Variants in DIP2C observed in about 807,000 individuals in gnomAD.
DIP2C encodes disco-interacting protein 2 homolog C.
DIP2C carries 33 observed loss-of-function variants against 192.4 expected under a neutral mutation model. The ratio of observed to expected loss-of-function variants is 0.17; its 90% confidence interval spans 0.13 to 0.23. DIP2C has a LOEUF of 0.23. Ranked by LOEUF, DIP2C falls within the 10% of genes least tolerant of loss-of-function variation. The probability of loss-of-function intolerance (pLI) is 1.00; values close to 1 mark genes in which losing one functional copy is unlikely to be tolerated. For missense variants in DIP2C, 1,537 were observed against 2,110.1 expected (o/e 0.73, Z 5.32); for synonymous variants, 979 against 864.1 (o/e 1.13, Z -2.33).
Position 422,879 on chromosome 10 carries a change from G to A in DIP2C, c.549C>T (p.Ser183=), listed in dbSNP as rs77312010. The change falls in exon 5 of 37, where the codon AGC becomes AGT. Residue 183 remains serine, a synonymous_variant. Transcript: ENST00000280886. ...TSTTSSSSTQ[S]GGSGAAHRLA... is the part of the protein sequence containing the mutation. ...GCCTGTGGGCAGCCCCGCTGCCCCC[G>A]CTCTGCGTAGAGGACGAGGAGGTGG... The A allele has an allele frequency of 3.2e-5, 51 of 1,613,568 alleles. 1 individual carries two copies. Among genetic ancestry groups the A allele is most frequent in the African/African-American group, 1.1e-4 (8 of 75,048 alleles).
intron 7 of DIP2C, 76 bp downstream of exon 7, chr10:415,693 C>G (rs1291803478): frequency 6.4e-7 from 1 of 1,571,196 alleles, no homozygotes; most frequent in African/African-American, 1.4e-5. Context: ...GTAAAATAGC[C>G]TTGCAGAAAA....
chr10:487,865 C>G (rs564556879), intron 1 of DIP2C, among the ~76,000 whole-genome samples: 1 of 152,126 alleles, frequency 6.6e-6, no homozygotes, highest in South Asian at 2.1e-4. Flanking sequence ...CGTGAGCCAC[C>G]GTGCCCAGCC....
intron 1 of DIP2C, among the ~76,000 whole-genome samples, chr10:685,759 C>T (rs1262401535): frequency 6.6e-6 from 1 of 152,030 alleles, no homozygotes; most frequent in African/African-American, 2.4e-5. Context: ...GTAAAGAGTT[C>T]GAGACCAGCC....
intron 4 of DIP2C, among the ~76,000 whole-genome samples, chr10:427,824 T>C (rs778538695): frequency 6.6e-5 from 10 of 152,214 alleles, no homozygotes; most frequent in Non-Finnish European, 1.2e-4. Flanking sequence ...GTATGTAAAA[T>C]GGTACAGCTA....
intron 29 of DIP2C, chr10:340,632 C>CA (rs544379223): frequency 2.0e-5 from 8 of 396,222 alleles, no homozygotes; most frequent in African/African-American, 1.2e-4. Context: ...TATAATCAGA[C>CA]AAAAAAGCCA....
intron 1 of DIP2C, among the ~76,000 whole-genome samples, chr10:590,471 T>C (rs77646474): frequency 0.042 from 6,348 of 152,300 alleles, 170 homozygotes; most frequent in East Asian, 0.082. Flanking sequence ...CGAACCTCAG[T>C]GAGGAACTTG....
At chr10:507,780 C>T (rs1001178950) in intron 1 of DIP2C, among the ~76,000 whole-genome samples, 1 of 152,298 alleles carries the variant, frequency 6.6e-6, no homozygotes, top group South Asian at 2.1e-4. Context: ...GTGCCCATGT[C>T]CCACCCCATC....
At chr10:376,880 A>G (rs1271598098) in intron 17 of DIP2C, among the ~76,000 whole-genome samples, 1 of 152,240 alleles carries the variant, frequency 6.6e-6, no homozygotes, top group Admixed American at 6.5e-5. Context: ...TCAGTGAAAA[A>G]TGTGCATGTA....
intron 8 of DIP2C, among the ~76,000 whole-genome samples, chr10:410,795 T>C (rs928665881): frequency 6.6e-6 from 1 of 152,222 alleles, no homozygotes. Flanking sequence ...ATAAAACACA[T>C]GCAAACTTTT....
chr10:673,163 G>A (rs1588743741), intron 1 of DIP2C, among the ~76,000 whole-genome samples: 2 of 152,024 alleles, frequency 1.3e-5, no homozygotes, highest in Admixed American at 1.3e-4. Flanking sequence ...AGCTCCTGCC[G>A]CCCACCCCAG....
At chr10:309,033 C>T (rs1589441864) in intron 32 of DIP2C, among the ~76,000 whole-genome samples, 1 of 152,174 alleles carries the variant, frequency 6.6e-6, no homozygotes, top group South Asian at 2.1e-4. Flanking sequence ...GGTCACGGAG[C>T]GGCTGCTGAC....
Position 575,152 on chromosome 10 carries a change from C to T in DIP2C, c.86-88622G>A, listed in dbSNP as rs371377926. ...TCAACTTTACCTTCGCCAAAAACAG[C>T]GGAAAAGCAAAACTACTCCAGGGCA... On this transcript the variant is annotated intron_variant, in intron 1 of 36. Transcript: ENST00000280886. Among the ~76,000 whole-genome samples the T allele has an allele frequency of 6.6e-5, 10 of 152,222 alleles. No homozygotes were observed. In the East Asian group the frequency reaches 1.5e-3, roughly 23 times the overall value.
chr10:501,370 A>G (rs1845214753), intron 1 of DIP2C, among the ~76,000 whole-genome samples: 1 of 152,224 alleles, frequency 6.6e-6, no homozygotes, highest in Non-Finnish European at 1.5e-5. Flanking sequence ...GCAGTCCTAT[A>G]CTCATTGATA....
At chr10:581,701 G>A (rs910656534) in intron 1 of DIP2C, among the ~76,000 whole-genome samples, 8 of 152,150 alleles carry the variant, frequency 5.3e-5, no homozygotes, top group African/African-American at 1.4e-4. Flanking sequence ...GCAGTGAGCC[G>A]GGGCTGGCTG....
rs113010603 is a variant in DIP2C at position 579,764 on chromosome 10, C to T, written c.86-93234G>A. 1.6e-4 allele frequency among the ~76,000 whole-genome samples: 25 copies of T among 152,056 alleles called. No individual in the cohort carries two copies. In the South Asian group the frequency reaches 2.3e-3, roughly 14 times the overall value. On this transcript the variant is annotated intron_variant, in intron 1 of 36. Transcript: ENST00000280886. ...AGGTACACTATAATGTATGTACATG[C>T]AGAGCATACACATCCATATCCATAT...
chr10:595,566 C>T (rs1017515017), intron 1 of DIP2C, among the ~76,000 whole-genome samples: 2 of 152,110 alleles, frequency 1.3e-5, no homozygotes, highest in African/African-American at 4.8e-5. Flanking sequence ...AATGATTTTG[C>T]ATCTACCTTG....
chr10:667,798 CAACAT>C (rs1328202056), intron 1 of DIP2C: 1 of 152,076 alleles, frequency 6.6e-6, no homozygotes, highest in African/African-American at 2.4e-5. Flanking sequence ...TCATACAAAA[CAACAT>C]ACACAACTCA....
chr10:450,783 C>CATG (rs1968785794), intron 3 of DIP2C, among the ~76,000 whole-genome samples: 1 of 152,158 alleles, frequency 6.6e-6, no homozygotes, highest in Admixed American at 6.5e-5. Flanking sequence ...CAGGCATTTC[C>CATG]ATGACTGGTC....
In DIP2C at chr10:363,984, G is replaced by A. The variant is rs945163384; in HGVS notation, c.2477+390C>T. Among the ~76,000 whole-genome samples the A allele has an allele frequency of 1.3e-5, 2 of 152,222 alleles. No homozygotes were observed. Among genetic ancestry groups the A allele is most frequent in the African/African-American group, 2.4e-5 (1 of 41,450 alleles). The stretch of plus-strand genomic sequence containing the variant: ...AGGCAGGGAGAAGAAAACTGGTAGA[G>A]CGGGGAGGTGGCGAGCGTCTGCACT... On this transcript the variant is annotated intron_variant, in intron 20 of 36. Transcript: ENST00000280886. The surrounding 1 kb of genome is among the most constrained non-coding windows in gnomAD (Gnocchi z 5.4).
Sources: gnomAD v4.1 joint callset for allele counts (sites outside exome capture counted in the v4.1 genomes callset) on GRCh38, gnomAD v4.1.1 for gene constraint, Gnocchi (gnomAD v3.1) non-coding constraint, MANE v1.5 for transcripts, NCBI Gene and HGNC (gene_info 2026-07-23, HGNC 2026-07-21) for gene names.